The following NLRP5 variants were observed in gnomAD, a reference collection of about 807,000 sequenced individuals.
NLRP5 encodes the protein NLR family pyrin domain containing 5.
In NLRP5, 93 loss-of-function variants were observed where a neutral mutation model predicts 113.1. The ratio of observed to expected loss-of-function variants is 0.82; its 90% confidence interval spans 0.70 to 0.98. The LOEUF is 0.98. NLRP5 is among the 50% of genes least tolerant of loss of function. NLRP5 has a pLI of 0.00. For synonymous variants in NLRP5, 751 were observed against 600.7 expected, an observed-to-expected ratio of 1.25 and a Z score of -3.66; for missense variants, 1,808 against 1,514.3, an observed-to-expected ratio of 1.19 and a Z score of -3.22.
intron 2 of NLRP5, among the ~76,000 whole-genome samples, chr19:56,005,270 CACATAT>C (rs1981832860): frequency 6.9e-6 from 1 of 145,606 alleles, no homozygotes; most frequent in South Asian, 2.1e-4. Flanking sequence ...TATACACATA[CACATAT>C]ACACATATAT....
In NLRP5 at chr19:56,043,547, T is replaced by C. The variant is rs74497570; in HGVS notation, c.2957+2455T>C. Among the ~76,000 whole-genome samples the C allele has an allele frequency of 5.6e-4, 6 of 10,674 alleles. 1 individual carries two copies. Among genetic ancestry groups the C allele is most frequent in the East Asian group, 4.8e-3 (4 of 836 alleles). 7.0% of individuals were successfully genotyped at this position (10,674 alleles called of 152,430 possible). A position where few individuals can be genotyped will look rare whatever the true frequency, so the allele number is the denominator to read the frequency against. ...TGTCTGTTTACTCTGCTATTCTTTT[T>C]TTTTTTTTTTTTTTTTTTTTTTTTT... On this transcript the variant is annotated intron_variant, in intron 11 of 14. Coordinates refer to ENST00000390649, the MANE Select transcript of NLRP5 (RefSeq NM_153447.4).
chr19:56,032,797 C>G lies in NLRP5; in HGVS notation c.2447+16C>G. The G allele has an allele frequency of 6.3e-7, 1 of 1,592,088 alleles. No homozygotes were observed. The highest frequency in any genetic ancestry group is 2.2e-4 in the Middle Eastern group (1 of 4,490). ...AGACCCTGATGTAAGGCTGCCCGCC[C>G]CCTACGAGAGAATCCCTTCCCATGA... On this transcript the variant is annotated intron_variant, in intron 8 of 14. Transcript: ENST00000390649.
intron 11 of NLRP5, among the ~76,000 whole-genome samples, chr19:56,048,228 T>C (rs1021393520): frequency 5.3e-5 from 8 of 152,206 alleles, no homozygotes; most frequent in African/African-American, 1.9e-4. Context: ...AGGATGGAGA[T>C]GTGAGGTACC....
intron 1 of NLRP5, among the ~76,000 whole-genome samples, chr19:56,000,359 ATG>A (rs1346079163): frequency 2.3e-5 from 2 of 86,382 alleles, no homozygotes; most frequent in African/African-American, 8.5e-5. Flanking sequence ...ATATCACCTC[ATG>A]TTTTTTTTTG....
At chr19:56,061,340 A>T in intron 14 of NLRP5, 56 bp from the exon 15 acceptor site, 7 of 1,584,000 alleles carry the variant, frequency 4.4e-6, no homozygotes, top group Non-Finnish European at 6.0e-6. Flanking sequence ...ATTTTGAAGA[A>T]GGGAGAAGAG....
Position 56,043,542 on chromosome 19 carries a change from C to CTT in NLRP5, c.2957+2490_2957+2491dup, listed in dbSNP as rs369622191. On this transcript the variant is annotated intron_variant, in intron 11 of 14. Coordinates refer to ENST00000390649, the MANE Select transcript of NLRP5 (RefSeq NM_153447.4). ...TGGATTGTCTGTTTACTCTGCTATT[C>CTT]TTTTTTTTTTTTTTTTTTTTTTTTT... is the stretch of plus-strand genomic sequence containing the variant. Among the ~76,000 whole-genome samples the CTT allele has an allele frequency of 2.4e-4, 22 of 92,940 alleles. 3 individuals carry two copies. Among genetic ancestry groups the CTT allele is most frequent in the African/African-American group, 7.4e-4 (14 of 18,830 alleles). The allele number at this position is 92,940 out of a possible 152,430, so 61.0% of individuals were successfully genotyped here.
rs147849899 is a variant in NLRP5 at position 56,061,432 on chromosome 19, G to C, written c.3507G>C (p.Lys1169Asn). ...GGCAGTACCCTGTGCAAATAAGGAA[G>C]CTGCTGGAGGAAGTGCAGCTACTCA... Residue 1169 changes from lysine to asparagine, a missense_variant, in exon 15 of 15, where the codon AAG (lysine) becomes AAC (asparagine). Lys to Asn is a moderately conservative substitution (Grantham distance 94, BLOSUM62 0). Coordinates refer to ENST00000390649, the MANE Select transcript of NLRP5 (RefSeq NM_153447.4). 1.2e-6 allele frequency: 2 copies of C among 1,614,010 alleles called. No individual in the cohort carries two copies. Among genetic ancestry groups the C allele is most frequent in the East Asian group, 4.5e-5 (2 of 44,878 alleles).
intron 9 of NLRP5, among the ~76,000 whole-genome samples, chr19:56,034,944 T>C (rs1983258200): frequency 6.6e-6 from 1 of 152,106 alleles, no homozygotes; most frequent in African/African-American, 2.4e-5. Flanking sequence ...GTTTATATAG[T>C]TTTCTTTTCT....
intron 6 of NLRP5, among the ~76,000 whole-genome samples, chr19:56,026,631 T>G (rs1453692861): frequency 6.7e-6 from 1 of 150,056 alleles, no homozygotes; most frequent in Non-Finnish European, 1.5e-5. Flanking sequence ...CAGGCTGGAG[T>G]GCAGTGGTGT....
In NLRP5 at chr19:56,013,213, G is replaced by C. The variant is rs547868172; in HGVS notation, c.509-2529G>C. Reference sequence around the variant, plus strand: ...TTTTTGTTTTTTGTTTTTGTTTTGAGATGGAGTCGTGCTCTGTTGCTGAGG... The same window carrying C: ...TTTTTGTTTTTTGTTTTTGTTTTGACATGGAGTCGTGCTCTGTTGCTGAGG... On this transcript the variant is annotated intron_variant, in intron 3 of 14. Transcript: ENST00000390649. Among the ~76,000 whole-genome samples, 6 of 152,182 alleles carry C rather than the reference G, an allele frequency of 3.9e-5. No homozygotes were observed. In the East Asian group the frequency reaches 1.2e-3, roughly 29 times the overall value.
upstream of NLRP5, among the ~76,000 whole-genome samples, chr19:55,996,484 A>G (rs908267241): frequency 3.9e-5 from 6 of 151,950 alleles, no homozygotes; most frequent in African/African-American, 1.5e-4. Flanking sequence ...TATATCTCCT[A>G]ATGCTCCCTC....
intron 2 of NLRP5, 53 bp from the exon 3 acceptor site, chr19:56,008,735 G>T: frequency 6.7e-7 from 1 of 1,484,176 alleles, no homozygotes; most frequent in South Asian, 1.2e-5. Context: ...CCTTGGCTTG[G>T]GTAATTACAG....
At chr19:55,987,909 C>T in the NLRP5 span, 1 of 1,610,346 alleles carries the variant, frequency 6.2e-7, no homozygotes, top group Non-Finnish European at 8.5e-7. Flanking sequence ...CAGATTAATC[C>T]TTAGGCCGTC....
At chr19:56,054,628 G>A (rs185698881) in intron 13 of NLRP5, among the ~76,000 whole-genome samples, 107 of 151,034 alleles carry the variant, frequency 7.1e-4, no homozygotes, top group South Asian at 1.7e-3. Flanking sequence ...TGAAAACGTC[G>A]TGCTGAGTGA....
intron 13 of NLRP5, among the ~76,000 whole-genome samples, chr19:56,057,517 T>C (rs1984200514): frequency 1.3e-5 from 2 of 152,238 alleles, no homozygotes; most frequent in Non-Finnish European, 2.9e-5. Flanking sequence ...GTGATTTTTT[T>C]ATATCAATGC....
upstream of NLRP5, among the ~76,000 whole-genome samples, chr19:55,999,196 CT>C (rs201055253): frequency 1.1e-4 from 16 of 139,328 alleles, no homozygotes; most frequent in African/African-American, 2.1e-4. Flanking sequence ...CCTACTAAAT[CT>C]TTTTTTTTCT....
At chr19:56,058,741 A>C (rs1984249270) in intron 14 of NLRP5, among the ~76,000 whole-genome samples, 1 of 152,228 alleles carries the variant, frequency 6.6e-6, no homozygotes. Context: ...TACCCAAAAG[A>C]ATTAAAAGGA....
At chr19:55,996,871 A>G (rs1167149373), upstream of NLRP5, among the ~76,000 whole-genome samples, 1 of 152,222 alleles carries the variant, frequency 6.6e-6, no homozygotes, top group Non-Finnish European at 1.5e-5. Context: ...TGGCTGGATC[A>G]AATGGTATTT....
intron 4 of NLRP5, chr19:56,018,668 T>C (rs899906831): frequency 6.6e-6 from 1 of 152,470 alleles, no homozygotes; most frequent in Non-Finnish European, 1.5e-5. Context: ...AGCATGACCG[T>C]AGCTCACTAC....
Sources: allele counts gnomAD v4.1 joint callset (sites outside exome capture counted in the v4.1 genomes callset), GRCh38; gene constraint gnomAD v4.1.1; transcripts MANE v1.5; gene names NCBI Gene and HGNC (gene_info 2026-07-23, HGNC 2026-07-21).